The following HSD17B1 variants were observed in gnomAD, a reference collection of about 807,000 sequenced individuals.
HSD17B1 encodes the protein 17-beta-hydroxysteroid dehydrogenase type 1.
In HSD17B1, 16 loss-of-function variants were observed where a neutral mutation model predicts 22.7. The ratio of observed to expected loss-of-function variants is 0.71; its 90% CI spans 0.48 to 1.07. The LOEUF is 1.07. HSD17B1 is among the 50% of genes least tolerant of loss of function. The pLI, the probability that HSD17B1 is intolerant of heterozygous loss-of-function variation, is 0.00. For synonymous variants in HSD17B1, 243 were observed against 211.0 expected (o/e 1.15, Z -1.31); for missense variants, 533 against 459.9 (o/e 1.16, Z -1.45).
chr17:42,553,596 C>G lies in HSD17B1; in HGVS notation c.423C>G (p.Thr141=). ...KRRGSGRVLV[T]GSVGGLMGLP... is the part of the protein sequence containing the mutation. ...GCGGTTCGGGACGCGTGTTGGTGAC[C>G]GGGAGCGTGGGAGGATTGATGGGTG... Residue 141 remains threonine, a synonymous_variant, in exon 3 of 6, where the codon ACC becomes ACG. Coordinates refer to ENST00000585807, the MANE Select transcript of HSD17B1 (RefSeq NM_000413.4). The G allele has an allele frequency of 6.2e-7, 1 of 1,609,332 alleles. No individual in the cohort carries two copies. The highest frequency in any genetic ancestry group is 8.5e-7 in the Non-Finnish European group (1 of 1,177,946).
chr17:42,554,948 C>A lies in HSD17B1; in HGVS notation c.*10C>A. 6.9e-7 allele frequency: 1 copy of A among 1,452,760 alleles called. No individual in the cohort carries two copies. Among genetic ancestry groups the A allele is most frequent in the Admixed American group, 2.6e-5 (1 of 37,788 alleles). The allele number at this position is 1,452,760 out of a possible 1,614,324, so 90.0% of individuals were successfully genotyped here. A position where few individuals can be genotyped will look rare whatever the true frequency, so the allele number is the denominator to read the frequency against. Reference sequence around the variant, plus strand: ...GGCCGCCCCGCAGTAAAGGCTTCCTCAGCCGCTGTCTCCCGCGCCCTTCTT... The same window carrying A: ...GGCCGCCCCGCAGTAAAGGCTTCCTAAGCCGCTGTCTCCCGCGCCCTTCTT... On this transcript the variant is annotated 3_prime_UTR_variant, in exon 6 of 6. Transcript: ENST00000585807.
intron 4 of HSD17B1, 65 bp from the exon 5 acceptor site, chr17:42,554,340 T>C: frequency 6.7e-7 from 1 of 1,502,212 alleles, no homozygotes. Flanking sequence ...GGGACTGGGG[T>C]TGGGGCTGGG....
In HSD17B1 at chr17:42,554,872, G is replaced by C; in HGVS notation, c.921G>C (p.Glu307Asp). Residue 307 changes from glutamate (E) to aspartate (D), a missense_variant, in exon 6 of 6, where the codon GAG becomes GAC. Coordinates refer to ENST00000585807, the MANE Select transcript of HSD17B1 (RefSeq NM_000413.4). ...GGGGCGGGGCCGGGCCTGGGGCAGAGGACGAGGCCGGGCGCGGTGCGGTGG... is the reference window on the plus strand; with the variant it reads ...GGGGCGGGGCCGGGCCTGGGGCAGACGACGAGGCCGGGCGCGGTGCGGTGG... ...EAGGGAGPGAEDEAGRGAVGD... is the reference protein window; with the variant it reads ...EAGGGAGPGADDEAGRGAVGD... 6.4e-7 allele frequency: 1 copy of C among 1,566,314 alleles called. No individual in the cohort carries two copies. Among genetic ancestry groups the C allele is most frequent in the Non-Finnish European group, 8.6e-7 (1 of 1,163,866 alleles).
rs2092951328 is a variant in HSD17B1, at chr17:42,553,550, TC to T, written c.379del (p.Leu127CysfsTer4). On this transcript the variant is annotated frameshift_variant, in exon 3 of 6. Transcript: ENST00000585807. LOFTEE classifies it high-confidence loss of function. ...VVGTVRMLQA[F>X]LPDMKRRGSG... ...GGGACTGTGCGGATGCTGCAGGCCT[TC>T]CTGCCAGACATGAAGAGGCGCGGTT... is the stretch of plus-strand genomic sequence containing the variant. 1 of 1,613,866 alleles carries T rather than the reference TC, an allele frequency of 6.2e-7. No homozygotes were observed. The highest frequency in any genetic ancestry group is 2.2e-5 in the East Asian group (1 of 44,878).
Position 42,553,573 on chromosome 17 carries a change from G to C in HSD17B1, c.400G>C (p.Gly134Arg). 1 of 1,612,822 alleles carries C rather than the reference G, an allele frequency of 6.2e-7. No individual in the cohort carries two copies. The highest frequency in any genetic ancestry group is 8.5e-7 in the Non-Finnish European group (1 of 1,179,446). ...QAFLPDMKRR[G>R]SGRVLVTGSV... is the part of the protein sequence containing the mutation. ...CTTCCTGCCAGACATGAAGAGGCGC[G>C]GTTCGGGACGCGTGTTGGTGACCGG... The change falls in exon 3 of 6, where the codon GGT (glycine) becomes CGT (arginine). Residue 134 changes from glycine to arginine, a missense_variant. Physicochemically the swap from Gly to Arg is moderately radical, Grantham distance 125 (BLOSUM62 -2). Coordinates refer to ENST00000585807, the MANE Select transcript of HSD17B1 (RefSeq NM_000413.4).
chr17:42,555,032 TA>T lies in HSD17B1; in HGVS notation c.*96del. 11 of 1,398,774 alleles carry T rather than the reference TA, an allele frequency of 7.9e-6. No individual in the cohort carries two copies. Among genetic ancestry groups the T allele is most frequent in the Non-Finnish European group, 1.0e-5 (11 of 1,082,708 alleles). The allele number at this position is 1,398,774 out of a possible 1,614,324, so 86.6% of individuals were successfully genotyped here. On this transcript the variant is annotated 3_prime_UTR_variant, in exon 6 of 6. Transcript: ENST00000585807. ...GGCGGCGGTAGCAGCTGTGGGTGGC[TA>T]ATTAAGATAGATCGCGTTAGCCAGT...
At position 42,555,078 on chromosome 17, in the gene HSD17B1, G is replaced by C; in HGVS notation, c.*140G>C. The C allele has an allele frequency of 7.3e-7, 1 of 1,372,464 alleles. No homozygotes were observed. The highest frequency in any genetic ancestry group is 1.5e-5 in the African/African-American group (1 of 65,454). The allele number at this position is 1,372,464 out of a possible 1,614,324, so 85.0% of individuals were successfully genotyped here. ...GCCAGTTTTACCAGCGCAGCTAGGC[G>C]CGATGGCTGTCGCCTGTAATGCCAG... On this transcript the variant is annotated 3_prime_UTR_variant, in exon 6 of 6. Transcript: ENST00000585807.
Position 42,555,016 on chromosome 17 carries a change from A to G in HSD17B1, c.*78A>G, listed in dbSNP as rs1462354310. 3.5e-6 allele frequency: 5 copies of G among 1,410,862 alleles called. No individual in the cohort carries two copies. The highest frequency in any genetic ancestry group is 4.6e-6 in the Non-Finnish European group (5 of 1,089,276). The allele number at this position is 1,410,862 out of a possible 1,614,324, so 87.4% of individuals were successfully genotyped here. ...TGGTCCCTGGGGATGGGGCGGCGGT[A>G]GCAGCTGTGGGTGGCTAATTAAGAT... is the stretch of plus-strand genomic sequence containing the variant. On this transcript the variant is annotated 3_prime_UTR_variant, in exon 6 of 6. Transcript: ENST00000585807.
rs1320296284 is a variant in HSD17B1 at position 42,553,797 on chromosome 17, T to C, written c.449T>C (p.Leu150Pro). 9.3e-6 allele frequency: 15 copies of C among 1,612,968 alleles called. No individual in the cohort carries two copies. Among genetic ancestry groups the C allele is most frequent in the African/African-American group, 2.7e-5 (2 of 74,922 alleles). Residue 150 changes from leucine to proline, a missense_variant, in exon 4 of 6, where the codon CTG (leucine) becomes CCG (proline). Coordinates refer to ENST00000585807, the MANE Select transcript of HSD17B1 (RefSeq NM_000413.4). Reference protein sequence around the residue: ...VTGSVGGLMGLPFNDVYCASK... With the variant: ...VTGSVGGLMGPPFNDVYCASK... ...GAACCTCGTCTCCCCACCTAAGGGC[T>C]GCCTTTCAATGACGTTTATTGCGCC...
Position 42,552,976 on chromosome 17 carries a change from A to C in HSD17B1, c.43A>C (p.Ile15Leu). 6.2e-7 allele frequency: 1 copy of C among 1,614,158 alleles called. No homozygotes were observed. The highest frequency in any genetic ancestry group is 1.1e-5 in the South Asian group (1 of 91,092). ...VVLITGCSSG[I>L]GLHLAVRLAS... ...GCTCATCACCGGCTGTTCCTCGGGC[A>C]TCGGCCTGCACTTGGCCGTACGTCT... Residue 15 changes from isoleucine (I) to leucine (L), a missense_variant, in exon 1 of 6, where the codon ATC becomes CTC. Physicochemically the swap from Ile to Leu is conservative, Grantham distance 5. Coordinates refer to ENST00000585807, the MANE Select transcript of HSD17B1 (RefSeq NM_000413.4).
chr17:42,554,647 A>G (rs781744715), intron 5 of HSD17B1, 22 bp from the exon 6 acceptor site: 1 of 1,605,296 alleles, frequency 6.2e-7, no homozygotes, highest in South Asian at 1.1e-5. Context: ...CGGTGGCCAC[A>G]GCTCTCCTCC....
rs569848509 is a variant in HSD17B1 at position 42,553,683 on chromosome 17, C to T, written c.445+65C>T. On this transcript the variant is annotated intron_variant, in intron 3 of 5. Transcript: ENST00000585807. Reference sequence around the variant, plus strand: ...TGTGTGCGGAGCTGAGCCTTGAAGGCAGGTTCCGCGGGGGGGGTGGAGTGG... The same window carrying T: ...TGTGTGCGGAGCTGAGCCTTGAAGGTAGGTTCCGCGGGGGGGGTGGAGTGG... 1.2e-4 allele frequency: 194 copies of T among 1,598,486 alleles called. 6 individuals are homozygous for T. The South Asian group carries it at 2.1e-3, about 17-fold the overall frequency.
intron 2 of HSD17B1, 39 bp from the exon 3 acceptor site, chr17:42,553,400 G>T (rs750524237): frequency 6.2e-7 from 1 of 1,608,366 alleles, no homozygotes; most frequent in Non-Finnish European, 8.5e-7. Flanking sequence ...TGCTGAGGGT[G>T]ATGCTGAGGC....
chr17:42,554,212 G>A (rs761166070), intron 4 of HSD17B1, 193 bp from the exon 5 acceptor site: 96 of 796,308 alleles, frequency 1.2e-4, no homozygotes, highest in Non-Finnish European at 1.7e-4. Flanking sequence ...GATTTGGGAG[G>A]GCTGCTCCGG....
chr17:42,554,114 G>A (rs542735381), intron 4 of HSD17B1: 2 of 637,158 alleles, frequency 3.1e-6, no homozygotes, highest in East Asian at 5.5e-5. Context: ...GCCCAGAGAG[G>A]TTAGGTGACT....
Position 42,554,585 on chromosome 17 carries a change from G to A in HSD17B1, c.717+3G>A. ...AGAACCCTGAGGAGGTGGCGGAGGTGAGCGCCGGGCTGGACTCCAGGAGTG... is the reference window on the plus strand; with the variant it reads ...AGAACCCTGAGGAGGTGGCGGAGGTAAGCGCCGGGCTGGACTCCAGGAGTG... On this transcript the variant is annotated splice_donor_region_variant and intron_variant, in intron 5 of 5. Transcript: ENST00000585807. The A allele has an allele frequency of 6.2e-7, 1 of 1,612,898 alleles. No individual in the cohort carries two copies. The highest frequency in any genetic ancestry group is 1.1e-5 in the South Asian group (1 of 91,062).
rs1567899265 is a variant in HSD17B1, at chr17:42,554,805, T to A, written c.854T>A (p.Phe285Tyr). The A allele has an allele frequency of 6.2e-7, 1 of 1,601,298 alleles. No homozygotes were observed. The part of the protein sequence containing the change: ...NYVTAMHREV[F>Y]GDVPAKAEAG... ...GTCACCGCCATGCACCGGGAAGTGT[T>A]CGGCGACGTTCCGGCAAAGGCCGAG... The change falls in exon 6 of 6, where the codon TTC becomes TAC. Residue 285 changes from phenylalanine to tyrosine, a missense_variant. By Grantham distance (22) the Phe-to-Tyr change is conservative (BLOSUM62 3). Coordinates refer to ENST00000585807, the MANE Select transcript of HSD17B1 (RefSeq NM_000413.4).
chr17:42,555,001 G>C lies in HSD17B1; in HGVS notation c.*63G>C. 1 of 1,412,106 alleles carries C rather than the reference G, an allele frequency of 7.1e-7. No individual in the cohort carries two copies. The highest frequency in any genetic ancestry group is 1.5e-5 in the South Asian group (1 of 64,978). The allele number at this position is 1,412,106 out of a possible 1,614,324, so 87.5% of individuals were successfully genotyped here. A position where few individuals can be genotyped will look rare whatever the true frequency, so the allele number is the denominator to read the frequency against. ...TCCCCTGGGTCTGTGTGGTCCCTGGGGATGGGGCGGCGGTAGCAGCTGTGG... is the reference window on the plus strand; with the variant it reads ...TCCCCTGGGTCTGTGTGGTCCCTGGCGATGGGGCGGCGGTAGCAGCTGTGG... On this transcript the variant is annotated 3_prime_UTR_variant, in exon 6 of 6. Transcript: ENST00000585807.
intron 4 of HSD17B1, 120 bp downstream of exon 4, chr17:42,554,007 A>C: frequency 1.1e-6 from 1 of 900,962 alleles, no homozygotes; most frequent in Non-Finnish European, 1.8e-6. Flanking sequence ...GGCTCACATT[A>C]GCTGTGTGCC....
Sources: allele counts gnomAD v4.1 joint callset, GRCh38; gene constraint gnomAD v4.1.1; transcripts MANE v1.5; gene names NCBI Gene and HGNC (gene_info 2026-07-23, HGNC 2026-07-21).